The following TEF variants were observed in gnomAD, a reference collection of about 807,000 sequenced individuals.
TEF encodes the protein thyrotroph embryonic factor.
TEF carries 3 observed loss-of-function variants against 20.8 expected under a neutral mutation model. The ratio of observed to expected loss-of-function variants is 0.14; its 90% CI spans 0.07 to 0.37. The LOEUF is 0.37. Among genes scored for constraint, TEF ranks in the 10% least tolerant of loss-of-function variants. The pLI is 1.00. For missense variants in TEF, 296 were observed against 397.9 expected, an observed-to-expected ratio of 0.74 and a Z score of 2.18; for synonymous variants, 180 against 171.1, an observed-to-expected ratio of 1.05 and a Z score of -0.41.
intron 1 of TEF, among the ~76,000 whole-genome samples, chr22:41,385,272 A>G (rs928377904): frequency 2.0e-5 from 3 of 152,134 alleles, no homozygotes; most frequent in African/African-American, 7.2e-5. Context: ...AGGCAGGAGA[A>G]TCGCTTGAAC....
rs1298152581 is a variant in TEF at position 41,397,452 on chromosome 22, T to C, written c.*1492T>C. 2 of 214,780 alleles carry C rather than the reference T, an allele frequency of 9.3e-6. No homozygotes were observed. Among genetic ancestry groups the C allele is most frequent in the Non-Finnish European group, 1.8e-5 (2 of 108,958 alleles). The allele number at this position is 214,780 out of a possible 1,614,324, so 13.3% of individuals were successfully genotyped here. A position where few individuals can be genotyped will look rare whatever the true frequency, so the allele number is the denominator to read the frequency against. On this transcript the variant is annotated 3_prime_UTR_variant, in exon 4 of 4. Coordinates refer to ENST00000266304, the MANE Select transcript of TEF (RefSeq NM_003216.4). ...TATGGTGAAGAGGAGACAGAGGCGA[T>C]GGGCGTGCTTCGTCCTCCGTAACAC...
chr22:41,388,640 T>G (rs1358486946), intron 2 of TEF, among the ~76,000 whole-genome samples: 1 of 151,064 alleles, frequency 6.6e-6, no homozygotes, highest in Non-Finnish European at 1.5e-5. Flanking sequence ...ATCTTCAGAG[T>G]CTGTCCTTAT....
intron 1 of TEF, chr22:41,367,719 G>A (rs889127651): frequency 2.0e-6 from 2 of 991,368 alleles, no homozygotes; most frequent in Non-Finnish European, 3.0e-6. Flanking sequence ...CAGCAGTGGT[G>A]CGCCCTTGGT....
In TEF at chr22:41,382,153, C is replaced by A; in HGVS notation, c.109C>A (p.Leu37Met). Residue 37 changes from leucine (L) to methionine (M), a missense_variant, in exon 1 of 4, where the codon CTG (leucine) becomes ATG (methionine). By Grantham distance (15) the Leu-to-Met change is conservative. Transcript: ENST00000266304. ...AAGGGGCCTGTCGGGGTCCTTCCCC[C>A]TGGTCCTGAAGAAGCTGATGGAGAA... The part of the protein sequence containing the change: ...GERGLSGSFP[L>M]VLKKLMENPP... 1 of 1,240,416 alleles carries A rather than the reference C, an allele frequency of 8.1e-7. No homozygotes were observed. 76.8% of individuals were successfully genotyped at this position (1,240,416 alleles called of 1,614,324 possible).
At chr22:41,372,764 G>A (rs1397010100) in intron 1 of TEF, among the ~76,000 whole-genome samples, 1 of 152,112 alleles carries the variant, frequency 6.6e-6, no homozygotes, top group African/African-American at 2.4e-5. Flanking sequence ...GCTGTGTTTA[G>A]GCAGGAGGCG....
At chr22:41,370,789 T>TCCCAG (rs371518696) in intron 1 of TEF, among the ~76,000 whole-genome samples, 2 of 152,154 alleles carry the variant, frequency 1.3e-5, no homozygotes, top group Non-Finnish European at 2.9e-5. Flanking sequence ...CCCCTGGGCC[T>TCCCAG]CCCAGCCCAG....
intron 1 of TEF, among the ~76,000 whole-genome samples, chr22:41,368,046 C>T (rs1013383069): frequency 3.9e-5 from 6 of 152,108 alleles, no homozygotes; most frequent in East Asian, 1.9e-4. Flanking sequence ...TCCCGCTTGC[C>T]GGAGGGCTGA....
At chr22:41,386,911 G>C (rs1174721309) in intron 1 of TEF, among the ~76,000 whole-genome samples, 1 of 151,666 alleles carries the variant, frequency 6.6e-6, no homozygotes, top group East Asian at 1.9e-4. Context: ...GGGCATGGTG[G>C]TGCGTACCTG....
chr22:41,395,866 C>T lies in TEF; in HGVS notation c.818C>T (p.Thr273Ile). 3 of 1,614,214 alleles carry T rather than the reference C, an allele frequency of 1.9e-6. No individual in the cohort carries two copies. The highest frequency in any genetic ancestry group is 2.5e-6 in the Non-Finnish European group (3 of 1,180,026). Residue 273 changes from threonine (T) to isoleucine (I), a missense_variant, in exon 4 of 4, where the codon ACA becomes ATA. Physicochemically the swap from Thr to Ile is moderately conservative, Grantham distance 89. Around this residue, in one of 2 missense-constraint regions of TEF, gnomAD observed 194 missense variants for 317.8 expected, o/e 0.61. Coordinates refer to ENST00000266304, the MANE Select transcript of TEF (RefSeq NM_003216.4). ...GCAGCCTTCCTGGAGAAGGAGAACA[C>T]AGCCCTGCGGACGGAGGTGGCCGAG... ...IRAAFLEKEN[T>I]ALRTEVAELR... is the part of the protein sequence containing the mutation.
intron 3 of TEF, among the ~76,000 whole-genome samples, chr22:41,395,463 C>T (rs1304592916): frequency 6.6e-6 from 1 of 152,162 alleles, no homozygotes; most frequent in Non-Finnish European, 1.5e-5. Flanking sequence ...AGGGTGTGGA[C>T]AGTGCAATGC....
At chr22:41,375,713 G>C (rs2036933251) in intron 1 of TEF, among the ~76,000 whole-genome samples, 1 of 139,826 alleles carries the variant, frequency 7.2e-6, no homozygotes, top group Non-Finnish European at 1.5e-5. Context: ...AACAGAGCAA[G>C]ACTCTGTCTC....
At chr22:41,385,405 TTTATCC>T (rs2037085682) in intron 1 of TEF, among the ~76,000 whole-genome samples, 1 of 152,130 alleles carries the variant, frequency 6.6e-6, no homozygotes. Context: ...AAGAAACATC[TTTATCC>T]TTATGTACAG....
At chr22:41,368,193 A>G (rs913786234) in intron 1 of TEF, among the ~76,000 whole-genome samples, 1 of 152,142 alleles carries the variant, frequency 6.6e-6, no homozygotes, top group Admixed American at 6.5e-5. Flanking sequence ...GGTGGCCAGC[A>G]CCAGGTGTCT....
intron 2 of TEF, among the ~76,000 whole-genome samples, chr22:41,387,983 CTTTTTTTTTTTTTTTTTT>C (rs530707936): frequency 4.0e-4 from 20 of 50,082 alleles, no homozygotes; most frequent in African/African-American, 1.3e-3. Context: ...CAATGCTGCT[CTTTTTTTTTTTTTTTTTT>C]TTTTTTTTTT....
chr22:41,387,639 T>G lies in TEF; in HGVS notation c.446T>G (p.Phe149Cys). 1 of 1,614,026 alleles carries G rather than the reference T, an allele frequency of 6.2e-7. No individual in the cohort carries two copies. The highest frequency in any genetic ancestry group is 8.5e-7 in the Non-Finnish European group (1 of 1,179,960). Reference protein sequence around the residue: ...ASPPSSSTAIFQPSETVSSTE... With the variant: ...ASPPSSSTAICQPSETVSSTE... ...CCACCATCCTCCTCCACTGCCATCT[T>G]TCAGCCCTCTGAAACCGTGTCCAGC... Residue 149 changes from phenylalanine (F) to cysteine (C), a missense_variant, in exon 2 of 4, where the codon TTT becomes TGT. Around this residue, in one of 2 missense-constraint regions of TEF, gnomAD observed 194 missense variants for 317.8 expected, o/e 0.61. Coordinates refer to ENST00000266304, the MANE Select transcript of TEF (RefSeq NM_003216.4).
chr22:41,398,944 A>G lies in TEF; in HGVS notation c.*2984A>G, dbSNP rs142270512. 1.3e-5 allele frequency: 2 copies of G among 152,776 alleles called. No homozygotes were observed. Among genetic ancestry groups the G allele is most frequent in the East Asian group, 3.9e-4 (2 of 5,192 alleles). The allele number at this position is 152,776 out of a possible 1,614,324, so 9.5% of individuals were successfully genotyped here. On this transcript the variant is annotated 3_prime_UTR_variant, in exon 4 of 4. Coordinates refer to ENST00000266304, the MANE Select transcript of TEF (RefSeq NM_003216.4). ...CTCCAGAGCTCCTTTAACATCTGCT[A>G]ATTAAGTGCAATAAATTTTTCTAGA...
At chr22:41,383,862 C>T (rs1569255536) in intron 1 of TEF, among the ~76,000 whole-genome samples, 1 of 152,236 alleles carries the variant, frequency 6.6e-6, no homozygotes, top group East Asian at 1.9e-4. Flanking sequence ...CGACATGGGT[C>T]ACAGTCATTT....
At chr22:41,367,695 G>C (rs933426434) in intron 1 of TEF, 1 of 1,266,532 alleles carries the variant, frequency 7.9e-7, no homozygotes. Flanking sequence ...GCATCTCCAA[G>C]CCAGGGAGGG....
intron 1 of TEF, among the ~76,000 whole-genome samples, chr22:41,368,832 C>T (rs190909968): frequency 2.0e-5 from 3 of 152,258 alleles, no homozygotes; most frequent in Admixed American, 2.0e-4. Context: ...ACTGGGGACA[C>T]CAGTTGCTCA....
Sources: allele counts gnomAD v4.1 joint callset (sites outside exome capture counted in the v4.1 genomes callset), GRCh38; gene constraint gnomAD v4.1.1; regional missense constraint gnomAD v4.1.1; transcripts MANE v1.5; gene names NCBI Gene and HGNC (gene_info 2026-07-23, HGNC 2026-07-21).